CYP27A1: variants seen among roughly 807,000 people sequenced by gnomAD.
CYP27A1 encodes the protein cytochrome P450 family 27 subfamily A member 1.
A neutral mutation model predicts 58.2 loss-of-function variants in CYP27A1; 46 were observed. The observed-to-expected ratio is 0.79, with a 90% CI of 0.62 to 1.01. The LOEUF is 1.01. Among genes scored for constraint, CYP27A1 ranks in the 50% least tolerant of loss-of-function variants. The pLI, the probability that CYP27A1 is intolerant of heterozygous loss-of-function variation, is 0.00. For missense variants in CYP27A1, 704 were observed against 687.0 expected, an observed-to-expected ratio of 1.02 and a Z score of -0.28; for synonymous variants, 274 against 285.1, an observed-to-expected ratio of 0.96 and a Z score of 0.39.
At chr2:218,796,944 A>T (rs75697021) in intron 1 of CYP27A1, among the ~76,000 whole-genome samples, 3 of 152,322 alleles carry the variant, frequency 2.0e-5, no homozygotes, top group African/African-American at 7.2e-5. Flanking sequence ...TCAAAGTCCT[A>T]TAGCTTACTA....
intron 1 of CYP27A1, among the ~76,000 whole-genome samples, chr2:218,801,140 C>T (rs1160425598): frequency 1.3e-5 from 2 of 152,166 alleles, no homozygotes; most frequent in East Asian, 1.9e-4. Flanking sequence ...TGATATGTAG[C>T]ACCTGCCAAA....
At chr2:218,787,856 G>A (rs1489337633) in intron 1 of CYP27A1, among the ~76,000 whole-genome samples, 1 of 152,064 alleles carries the variant, frequency 6.6e-6, no homozygotes, top group African/African-American at 2.4e-5. Context: ...AATACAAAAC[G>A]ACTAAGACAG....
chr2:218,804,586 G>C (rs992937869), intron 1 of CYP27A1, among the ~76,000 whole-genome samples: 1 of 152,138 alleles, frequency 6.6e-6, no homozygotes, highest in African/African-American at 2.4e-5. Context: ...AAAAGGCTAT[G>C]GAATTTTGAA....
chr2:218,795,135 T>G (rs892079907), intron 1 of CYP27A1, among the ~76,000 whole-genome samples: 1 of 152,202 alleles, frequency 6.6e-6, no homozygotes, highest in Non-Finnish European at 1.5e-5. Flanking sequence ...ATTTATGCCA[T>G]GGATACTAGC....
In CYP27A1 at chr2:218,809,560, T is replaced by G. The variant is rs749010132; in HGVS notation, c.256-17T>G. The stretch of plus-strand genomic sequence containing the variant: ...CCCAGCTTGGCCCAGTTATTCAGTT[T>G]TGATTGAACTCCACAGGTGCTTTAC... On this transcript the variant is annotated splice_polypyrimidine_tract_variant and intron_variant, in intron 1 of 8. Coordinates refer to ENST00000258415, the MANE Select transcript of CYP27A1 (RefSeq NM_000784.4). 6 of 1,613,438 alleles carry G rather than the reference T, an allele frequency of 3.7e-6. No individual in the cohort carries two copies. The Admixed American group carries it at 6.7e-5, about 18-fold the overall frequency.
Position 218,815,102 on chromosome 2 carries a change from A to C in CYP27A1, c.*72A>C. On this transcript the variant is annotated 3_prime_UTR_variant, in exon 9 of 9. Coordinates refer to ENST00000258415, the MANE Select transcript of CYP27A1 (RefSeq NM_000784.4). ...GGCACAGTGGTTCCTGGCTGCTGCC[A>C]TGTCTCAGATGAGGAGGGAGAGAAG... 1 of 1,594,428 alleles carries C rather than the reference A, an allele frequency of 6.3e-7. No individual in the cohort carries two copies. The highest frequency in any genetic ancestry group is 1.7e-5 in the Admixed American group (1 of 59,570).
Position 218,814,203 on chromosome 2 carries a change from G to C in CYP27A1, c.1184+16G>C, listed in dbSNP as rs1445661658. On this transcript the variant is annotated intron_variant, in intron 6 of 8. Coordinates refer to ENST00000258415, the MANE Select transcript of CYP27A1 (RefSeq NM_000784.4). ...AGACTCTGCGGTAGGACAGAATGCT[G>C]TTCTGGGGGGCACAGGATCTCTTTG... The C allele has an allele frequency of 9.9e-6, 16 of 1,614,194 alleles. No individual in the cohort carries two copies. Among genetic ancestry groups the C allele is most frequent in the Non-Finnish European group, 1.3e-5 (15 of 1,180,022 alleles).
Position 218,814,762 on chromosome 2 carries a change from G to A in CYP27A1, c.1476+5G>A. The A allele has an allele frequency of 6.2e-7, 1 of 1,614,104 alleles. No individual in the cohort carries two copies. Among genetic ancestry groups the A allele is most frequent in the Non-Finnish European group, 8.5e-7 (1 of 1,180,018 alleles). ...ATGCAGCTACTCCTCGCAAGGGTGA[G>A]CTGGGAGAGGCTAGTAGGGTGTGTG... On this transcript the variant is annotated splice_donor_5th_base_variant and intron_variant, in intron 8 of 8. Transcript: ENST00000258415.
chr2:218,804,536 G>A (rs561595665), intron 1 of CYP27A1, among the ~76,000 whole-genome samples: 6 of 152,170 alleles, frequency 3.9e-5, no homozygotes, highest in Non-Finnish European at 8.8e-5. Context: ...GCCCCTTGCA[G>A]TTCCATATTA....
In CYP27A1 at chr2:218,786,520, A is replaced by G. The variant is rs747081157; in HGVS notation, c.255+4083A>G. Among the ~76,000 whole-genome samples, 150 of 152,228 alleles carry G rather than the reference A, an allele frequency of 9.9e-4. 6 individuals are homozygous for G. The highest frequency in any genetic ancestry group is 4.6e-4 in the Non-Finnish European group (31 of 68,042). On this transcript the variant is annotated intron_variant, in intron 1 of 8. Coordinates refer to ENST00000258415, the MANE Select transcript of CYP27A1 (RefSeq NM_000784.4). ...TAAAAGTCGTACTACATAAATGCCA[A>G]TGCCAGTGCCTTTCTCTTTCCTAAT... is the stretch of plus-strand genomic sequence containing the variant.
chr2:218,806,474 C>A (rs1170375994), intron 1 of CYP27A1, among the ~76,000 whole-genome samples: 1 of 152,258 alleles, frequency 6.6e-6, no homozygotes, highest in Non-Finnish European at 1.5e-5. Flanking sequence ...CGGCAACGCA[C>A]ACCACTGTCG....
Position 218,812,663 on chromosome 2 carries a change from A to G in CYP27A1, c.758A>G (p.Tyr253Cys), listed in dbSNP as rs1424980745. ...GGGTTAATGTTCCAGAACTCACTCT[A>G]TGCCACCTTCCTCCCCAAGTGGACT... ...SIGLMFQNSL[Y>C]ATFLPKWTRP... is the part of the protein sequence containing the mutation. The change falls in exon 4 of 9, where the codon TAT becomes TGT. Residue 253 changes from tyrosine (Y) to cysteine (C), a missense_variant. Tyr to Cys is a radical substitution (Grantham distance 194, BLOSUM62 -2). Coordinates refer to ENST00000258415, the MANE Select transcript of CYP27A1 (RefSeq NM_000784.4). 3 of 1,614,104 alleles carry G rather than the reference A, an allele frequency of 1.9e-6. No individual in the cohort carries two copies. Among genetic ancestry groups the G allele is most frequent in the Admixed American group, 1.7e-5 (1 of 60,016 alleles).
At chr2:218,808,495 T>C (rs1032254784) in intron 1 of CYP27A1, among the ~76,000 whole-genome samples, 9 of 152,214 alleles carry the variant, frequency 5.9e-5, no homozygotes, top group Non-Finnish European at 2.9e-5. Flanking sequence ...TCCAGTAAAG[T>C]TGGAGTTTTT....
At chr2:218,794,242 C>T (rs1943524448) in intron 1 of CYP27A1, among the ~76,000 whole-genome samples, 1 of 152,178 alleles carries the variant, frequency 6.6e-6, no homozygotes, top group Non-Finnish European at 1.5e-5. Flanking sequence ...CTGTCTCATT[C>T]CCCACTCTAA....
intron 1 of CYP27A1, among the ~76,000 whole-genome samples, chr2:218,796,109 G>A (rs145928990): frequency 4.1e-4 from 61 of 150,344 alleles, no homozygotes; most frequent in African/African-American, 1.4e-3. Context: ...CTGTGTAGTC[G>A]AGGGTATAAG....
rs1322335517 is a variant in CYP27A1, at chr2:218,813,151, T to C, written c.1017+55T>C. 4 of 1,515,068 alleles carry C rather than the reference T, an allele frequency of 2.6e-6. No individual in the cohort carries two copies. In the Admixed American group the frequency reaches 7.8e-5, roughly 29 times the overall value. The allele number at this position is 1,515,068 out of a possible 1,614,324, so 93.9% of individuals were successfully genotyped here. Reference sequence around the variant, plus strand: ...GCCCCCAGCTCCCAACCTGAACCAGTTCCCTATTATCCCTCACCTGATCCC... The same window carrying C: ...GCCCCCAGCTCCCAACCTGAACCAGCTCCCTATTATCCCTCACCTGATCCC... On this transcript the variant is annotated intron_variant, in intron 5 of 8. Coordinates refer to ENST00000258415, the MANE Select transcript of CYP27A1 (RefSeq NM_000784.4).
chr2:218,796,370 A>C (rs1456640564), intron 1 of CYP27A1, among the ~76,000 whole-genome samples: 1 of 152,182 alleles, frequency 6.6e-6, no homozygotes, highest in Non-Finnish European at 1.5e-5. Flanking sequence ...AGGCGGATGG[A>C]TCACCTGAGG....
chr2:218,783,948 G>C (rs1396341775), intron 1 of CYP27A1, among the ~76,000 whole-genome samples: 1 of 152,180 alleles, frequency 6.6e-6, no homozygotes, highest in Non-Finnish European at 1.5e-5. Context: ...AGCAAGCATG[G>C]GGTGAAGACG....
intron 1 of CYP27A1, among the ~76,000 whole-genome samples, chr2:218,791,743 A>T (rs1943495411): frequency 6.6e-6 from 1 of 152,186 alleles, no homozygotes. Flanking sequence ...TGACATTCTC[A>T]GAAGACCTAC....
Sources: allele counts gnomAD v4.1 joint callset (sites outside exome capture counted in the v4.1 genomes callset), GRCh38; gene constraint gnomAD v4.1.1; transcripts MANE v1.5; gene names NCBI Gene and HGNC (gene_info 2026-07-23, HGNC 2026-07-21).